ST6GAL1: variants seen among roughly 807,000 people sequenced by gnomAD.
ST6GAL1 encodes beta-galactoside alpha-2,6-sialyltransferase 1.
Under a neutral mutation model 38.0 loss-of-function variants are expected in ST6GAL1, and 20 were observed. The observed-to-expected ratio is 0.53, with a 90% CI of 0.37 to 0.77. ST6GAL1 has a LOEUF of 0.77. Ranked by LOEUF, ST6GAL1 falls within the 30% of genes least tolerant of loss-of-function variation. The probability of loss-of-function intolerance (pLI) is 0.00; values close to 1 mark genes in which losing one functional copy is unlikely to be tolerated. For missense variants in ST6GAL1, 432 were observed against 496.4 expected, an observed-to-expected ratio of 0.87 and a Z score of 1.23; for synonymous variants, 196 against 188.2, an observed-to-expected ratio of 1.04 and a Z score of -0.34.
At chr3:187,053,857 G>A (rs925256292) in intron 5 of ST6GAL1, among the ~76,000 whole-genome samples, 1 of 152,172 alleles carries the variant, frequency 6.6e-6, no homozygotes, top group South Asian at 2.1e-4. Flanking sequence ...TAGCTTGATG[G>A]GGATGGCATT....
intron 2 of ST6GAL1, among the ~76,000 whole-genome samples, chr3:186,996,218 T>A (rs187895906): frequency 6.6e-6 from 1 of 152,190 alleles, no homozygotes; most frequent in African/African-American, 2.4e-5. Flanking sequence ...CCCAAGAAAC[T>A]CTGTGTATTT....
chr3:186,963,547 C>T (rs1354169448), intron 1 of ST6GAL1, among the ~76,000 whole-genome samples: 1 of 152,198 alleles, frequency 6.6e-6, no homozygotes, highest in Non-Finnish European at 1.5e-5. Context: ...TAGTGAGTAG[C>T]ACAAGGATTC....
At chr3:187,070,069 G>A (rs992717834) in intron 5 of ST6GAL1, among the ~76,000 whole-genome samples, 32 of 152,258 alleles carry the variant, frequency 2.1e-4, no homozygotes, top group South Asian at 1.9e-3. Flanking sequence ...CAGCCAGGAG[G>A]AAGAAGGAAC....
intron 5 of ST6GAL1, among the ~76,000 whole-genome samples, chr3:187,064,828 T>G (rs2108597243): frequency 6.6e-6 from 1 of 152,292 alleles, no homozygotes; most frequent in Non-Finnish European, 1.5e-5. Flanking sequence ...ATCCTAACTA[T>G]TTTGTGTCTG....
At chr3:186,974,135 T>C (rs1220352489) in intron 2 of ST6GAL1, among the ~76,000 whole-genome samples, 1 of 152,178 alleles carries the variant, frequency 6.6e-6, no homozygotes, top group Non-Finnish European at 1.5e-5. Flanking sequence ...TTTGGGCCAC[T>C]GGAGAGGCCA....
intron 2 of ST6GAL1, among the ~76,000 whole-genome samples, chr3:186,974,180 G>A (rs1328636038): frequency 6.6e-6 from 1 of 152,104 alleles, no homozygotes; most frequent in Admixed American, 6.5e-5. Context: ...TCCACTTTAT[G>A]CTATATCCTG....
chr3:186,958,965 AAAT>A (rs1560142084), intron 1 of ST6GAL1, among the ~76,000 whole-genome samples: 1 of 40,892 alleles, frequency 2.4e-5, no homozygotes, highest in East Asian at 5.1e-4. Flanking sequence ...AAAAAAAAAA[AAAT>A]TAAATAAATA....
chr3:187,073,171 C>T (rs538057853), intron 6 of ST6GAL1, among the ~76,000 whole-genome samples: 2 of 152,310 alleles, frequency 1.3e-5, no homozygotes, highest in South Asian at 2.1e-4. Context: ...TATTGTCTCC[C>T]AGTTATAGTA....
intron 1 of ST6GAL1, among the ~76,000 whole-genome samples, chr3:186,939,751 G>GGCAGC (rs1392627000): frequency 1.3e-5 from 2 of 152,124 alleles, no homozygotes; most frequent in African/African-American, 2.4e-5. Flanking sequence ...CTCTCATGCC[G>GGCAGC]AAGATGTGGT....
chr3:187,037,854 A>G (rs550398691), intron 2 of ST6GAL1, among the ~76,000 whole-genome samples: 1 of 118,844 alleles, frequency 8.4e-6, no homozygotes, highest in East Asian at 2.2e-4. Flanking sequence ...AAAAGATGAA[A>G]ACATCTATTA....
At chr3:187,000,509 C>T (rs1453137717) in intron 2 of ST6GAL1, among the ~76,000 whole-genome samples, 3 of 152,132 alleles carry the variant, frequency 2.0e-5, no homozygotes, top group Admixed American at 6.5e-5. Flanking sequence ...TGGCAGTGAG[C>T]CAAGATTTTG....
At chr3:186,982,973 C>T (rs1027621118) in intron 2 of ST6GAL1, among the ~76,000 whole-genome samples, 9 of 152,096 alleles carry the variant, frequency 5.9e-5, no homozygotes, top group South Asian at 4.2e-4. Context: ...TGAGCCACCG[C>T]GCCCAGCCCC....
chr3:186,978,147 G>T (rs1006897317), intron 2 of ST6GAL1, among the ~76,000 whole-genome samples: 4 of 152,168 alleles, frequency 2.6e-5, no homozygotes, highest in African/African-American at 9.7e-5. Context: ...GGAGGCAGAG[G>T]TTGCAGTGAG....
chr3:186,984,773 TC>T (rs1715827858), intron 2 of ST6GAL1, among the ~76,000 whole-genome samples: 1 of 30,406 alleles, frequency 3.3e-5, no homozygotes, highest in Admixed American at 3.3e-4. Context: ...CCTCCTTCCT[TC>T]CTTCCCTTCC....
At chr3:187,065,330 C>G (rs1429459210) in intron 5 of ST6GAL1, among the ~76,000 whole-genome samples, 5 of 152,136 alleles carry the variant, frequency 3.3e-5, no homozygotes, top group South Asian at 2.1e-4. Flanking sequence ...CCATCTGGAC[C>G]CACATTTGTT....
chr3:186,945,830 A>C (rs969754835), intron 1 of ST6GAL1, among the ~76,000 whole-genome samples: 1 of 151,134 alleles, frequency 6.6e-6, no homozygotes, highest in African/African-American at 2.4e-5. Flanking sequence ...ACCAAAAAAA[A>C]ATACAAAAAA....
At chr3:186,988,853 G>A (rs1005316112) in intron 2 of ST6GAL1, among the ~76,000 whole-genome samples, 1 of 152,150 alleles carries the variant, frequency 6.6e-6, no homozygotes, top group African/African-American at 2.4e-5. Flanking sequence ...GGTGGAGGTT[G>A]CAGTGAGCTG....
intron 5 of ST6GAL1, among the ~76,000 whole-genome samples, chr3:187,071,388 T>C (rs1719364504): frequency 6.6e-6 from 1 of 152,162 alleles, no homozygotes; most frequent in Admixed American, 6.5e-5. Context: ...ATGATCTCCA[T>C]TTGATCCGCA....
At chr3:187,057,286 C>T (rs775466992) in intron 5 of ST6GAL1, among the ~76,000 whole-genome samples, 2 of 152,138 alleles carry the variant, frequency 1.3e-5, no homozygotes, top group Non-Finnish European at 2.9e-5. Context: ...TATTACTGAC[C>T]TTCTGAAGCC....
Sources: allele counts gnomAD v4.1 joint callset (sites outside exome capture counted in the v4.1 genomes callset), GRCh38; gene constraint gnomAD v4.1.1; transcripts MANE v1.5; gene names NCBI Gene and HGNC (gene_info 2026-07-23, HGNC 2026-07-21).